The following SV2C variants were observed in gnomAD, a reference collection of about 807,000 sequenced individuals.
SV2C encodes the protein solute carrier family 22 member B3.
A neutral mutation model predicts 79.7 loss-of-function variants in SV2C; 49 were observed. That is an observed-to-expected ratio of 0.61 (90% CI 0.49 to 0.78). SV2C has a LOEUF of 0.78. Among genes scored for constraint, SV2C ranks in the 30% least tolerant of loss-of-function variants. SV2C has a pLI of 0.00. For synonymous variants in SV2C, 334 were observed against 333.2 expected, an observed-to-expected ratio of 1.00 and a Z score of -0.03; for missense variants, 833 against 912.9, an observed-to-expected ratio of 0.91 and a Z score of 1.13.
At chr5:76,262,269 G>A (rs1005264297) in intron 4 of SV2C, among the ~76,000 whole-genome samples, 2 of 152,142 alleles carry the variant, frequency 1.3e-5, no homozygotes, top group Non-Finnish European at 2.9e-5. Flanking sequence ...ATTTCTGTGG[G>A]ATCAGTGGTG....
chr5:75,875,655 A>G, the SV2C span, among the ~76,000 whole-genome samples: 1 of 152,176 alleles, frequency 6.6e-6, no homozygotes, highest in South Asian at 2.1e-4. Flanking sequence ...ACAGAATGAG[A>G]GAATTTTGCA....
At chr5:76,038,963 A>G in the SV2C span, among the ~76,000 whole-genome samples, 3 of 152,348 alleles carry the variant, frequency 2.0e-5, no homozygotes, top group East Asian at 5.8e-4. Context: ...GTAGAACAGC[A>G]CAATATGACA....
chr5:76,076,471 G>C, the SV2C span, among the ~76,000 whole-genome samples: 2 of 152,136 alleles, frequency 1.3e-5, no homozygotes, highest in Non-Finnish European at 2.9e-5. Flanking sequence ...TATATCTGCT[G>C]GTGCTACTTC....
At chr5:76,243,847 C>G (rs1037548128) in intron 4 of SV2C, among the ~76,000 whole-genome samples, 1 of 152,210 alleles carries the variant, frequency 6.6e-6, no homozygotes, top group African/African-American at 2.4e-5. Flanking sequence ...CACATCCTCC[C>G]ACTCCAACTC....
chr5:76,177,330 A>G (rs574884326), intron 2 of SV2C, among the ~76,000 whole-genome samples: 1 of 151,390 alleles, frequency 6.6e-6, no homozygotes, highest in Non-Finnish European at 1.5e-5. Context: ...ATCTTCCCTT[A>G]TATGTTCCAG....
intron 2 of SV2C, among the ~76,000 whole-genome samples, chr5:76,134,911 G>C (rs1749019099): frequency 6.6e-6 from 1 of 152,186 alleles, no homozygotes; most frequent in Admixed American, 6.5e-5. Context: ...AAAAAAGAGA[G>C]GCAAGGTTTC....
intron 2 of SV2C, among the ~76,000 whole-genome samples, chr5:76,160,428 A>G (rs569540797): frequency 6.6e-6 from 1 of 152,226 alleles, no homozygotes; most frequent in South Asian, 2.1e-4. Flanking sequence ...ATAAACCTCT[A>G]TAGTTAATTG....
intron 3 of SV2C, among the ~76,000 whole-genome samples, chr5:76,201,359 A>C (rs911709638): frequency 2.6e-5 from 4 of 152,202 alleles, no homozygotes; most frequent in African/African-American, 9.7e-5. Context: ...AGTACTTTGG[A>C]TGCTAGGCAA....
At chr5:76,335,397 TAC>T (rs1163468800), downstream of SV2C, among the ~76,000 whole-genome samples, 4 of 147,990 alleles carry the variant, frequency 2.7e-5, no homozygotes, top group Admixed American at 1.3e-4. Flanking sequence ...TAAGAAAAGC[TAC>T]AGTCACACAT....
At chr5:76,047,548 A>G in the SV2C span, among the ~76,000 whole-genome samples, 12,279 of 152,108 alleles carry the variant, frequency 0.081, 1,018 homozygotes, top group African/African-American at 0.21. Flanking sequence ...CATTTAGCTG[A>G]TTGCTTTAAA....
At chr5:76,271,616 CTT>C (rs34458409) in intron 4 of SV2C, among the ~76,000 whole-genome samples, 1,136 of 96,018 alleles carry the variant, frequency 0.012, 5 homozygotes, top group African/African-American at 0.033. Flanking sequence ...AGCATGTGTT[CTT>C]TTTTTTTTTT....
chr5:76,214,650 T>C (rs1262947495), intron 4 of SV2C, among the ~76,000 whole-genome samples: 1 of 152,234 alleles, frequency 6.6e-6, no homozygotes, highest in Non-Finnish European at 1.5e-5. Flanking sequence ...ATTCTTTCAA[T>C]CCATGAATAC....
rs767795676 is a variant in SV2C, at chr5:76,298,809, G to A, written c.1518G>A (p.Lys506=). 7 of 1,613,906 alleles carry A rather than the reference G, an allele frequency of 4.3e-6. No homozygotes were observed. The Admixed American group carries it at 1.2e-4, about 27-fold the overall frequency. Residue 506 remains lysine, a synonymous_variant, in exon 10 of 13, where the codon AAG becomes AAA. Coordinates refer to ENST00000502798, the MANE Select transcript of SV2C (RefSeq NM_014979.4). ...EYDNGRFIGV[K]FKSVTFKDSV... The stretch of plus-strand genomic sequence containing the variant: ...TGTTGGGCAGATTCATAGGGGTCAA[G>A]TTCAAATCTGTAACTTTCAAAGACT...
chr5:76,094,281 A>G (rs949979586), intron 1 of SV2C, among the ~76,000 whole-genome samples: 8 of 152,188 alleles, frequency 5.3e-5, no homozygotes, highest in Non-Finnish European at 1.2e-4. Flanking sequence ...AGCCAAAAGC[A>G]TATCTCCATT....
intron 4 of SV2C, among the ~76,000 whole-genome samples, chr5:76,238,027 T>TGCAC (rs1745664612): frequency 8.1e-6 from 1 of 122,812 alleles, no homozygotes; most frequent in Non-Finnish European, 1.9e-5. Context: ...CAATCACACA[T>TGCAC]ACACACACAC....
chr5:76,224,107 C>T (rs1745171620), intron 4 of SV2C, among the ~76,000 whole-genome samples: 1 of 152,110 alleles, frequency 6.6e-6, no homozygotes, highest in African/African-American at 2.4e-5. Flanking sequence ...TCCATAAAAC[C>T]ACCCATTATG....
rs1561322976 is a variant in SV2C, at chr5:76,332,383, A to G, written c.*6836A>G. The G allele has an allele frequency of 6.6e-6, 1 of 152,190 alleles. No homozygotes were observed. The highest frequency in any genetic ancestry group is 2.4e-5 in the African/African-American group (1 of 41,442). The allele number at this position is 152,190 out of a possible 1,614,324, so 9.4% of individuals were successfully genotyped here. A position where few individuals can be genotyped will look rare whatever the true frequency, so the allele number is the denominator to read the frequency against. The stretch of plus-strand genomic sequence containing the variant: ...TCTAAAGCTAGTGATGAGCTGGAAT[A>G]GCTTTGAACCGGTTCATCCGAACTG... On this transcript the variant is annotated 3_prime_UTR_variant, in exon 13 of 13. Transcript: ENST00000502798.
At chr5:76,260,589 G>A (rs143603451) in intron 4 of SV2C, among the ~76,000 whole-genome samples, 15,598 of 152,174 alleles carry the variant, frequency 0.1, 906 homozygotes, top group South Asian at 0.17. Flanking sequence ...TTATGTTTAA[G>A]TCTTTAATCT....
the SV2C span, among the ~76,000 whole-genome samples, chr5:76,028,321 C>T: frequency 1.3e-5 from 2 of 152,090 alleles, no homozygotes; most frequent in South Asian, 2.1e-4. Flanking sequence ...TAACCCAATC[C>T]CTGTTTTGCC....
Sources: allele counts gnomAD v4.1 joint callset (sites outside exome capture counted in the v4.1 genomes callset), GRCh38; gene constraint gnomAD v4.1.1; transcripts MANE v1.5; gene names NCBI Gene and HGNC (gene_info 2026-07-23, HGNC 2026-07-21).